ITCH: variants seen among roughly 807,000 people sequenced by gnomAD.
The protein encoded by ITCH is E3 ubiquitin-protein ligase Itchy homolog.
ITCH carries 28 observed loss-of-function variants against 126.8 expected under a neutral mutation model. That is an observed-to-expected ratio of 0.22 (90% CI 0.16 to 0.30). The LOEUF is 0.30. Ranked by LOEUF, ITCH falls within the 10% of genes least tolerant of loss-of-function variation. ITCH has a pLI of 1.00. For missense variants in ITCH, 631 were observed against 1,032.4 expected, an observed-to-expected ratio of 0.61 and a Z score of 5.33; for synonymous variants, 342 against 340.0, an observed-to-expected ratio of 1.01 and a Z score of -0.06.
At chr20:34,491,234 T>C (rs1166122238) in intron 22 of ITCH, among the ~76,000 whole-genome samples, 1 of 152,236 alleles carries the variant, frequency 6.6e-6, no homozygotes, top group Non-Finnish European at 1.5e-5. Context: ...ATTTTTGGTA[T>C]GTGCTACAAC....
chr20:34,506,382 T>C (rs922392390), intron 24 of ITCH, among the ~76,000 whole-genome samples: 1 of 152,160 alleles, frequency 6.6e-6, no homozygotes, highest in Admixed American at 6.6e-5. Context: ...TCTTGTAAAA[T>C]TGAAATGGTA....
At position 34,438,154 on chromosome 20, in the gene ITCH, T is replaced by C. The variant is rs118140279; in HGVS notation, c.522-320T>C. On this transcript the variant is annotated intron_variant, in intron 7 of 24. Transcript: ENST00000374864. Reference sequence around the variant, plus strand: ...TAGTGCCCTAAGGATTTTGAGAACTTGACTTTGTTCCTGTTCATATAGGGC... The same window carrying C: ...TAGTGCCCTAAGGATTTTGAGAACTCGACTTTGTTCCTGTTCATATAGGGC... Among the ~76,000 whole-genome samples, 288 of 152,320 alleles carry C rather than the reference T, an allele frequency of 1.9e-3. 5 individuals carry two copies. Among genetic ancestry groups the C allele is most frequent in the East Asian group, 0.017 (90 of 5,182 alleles).
chr20:34,378,824 C>T (rs1427237406), intron 2 of ITCH, among the ~76,000 whole-genome samples: 1 of 152,058 alleles, frequency 6.6e-6, no homozygotes, highest in Non-Finnish European at 1.5e-5. Context: ...TGTGGAAAGT[C>T]AGTAGTCAAA....
intron 7 of ITCH, among the ~76,000 whole-genome samples, chr20:34,427,197 A>T (rs933351521): frequency 2.0e-5 from 3 of 152,240 alleles, no homozygotes; most frequent in Non-Finnish European, 4.4e-5. Flanking sequence ...CTTATGATGA[A>T]GAATCATCTA....
chr20:34,457,504 C>T (rs1390390532), intron 13 of ITCH, 30 bp downstream of exon 13: 2 of 1,390,966 alleles, frequency 1.4e-6, no homozygotes, highest in Non-Finnish European at 2.0e-6. Context: ...TATATTTAAT[C>T]TCTTAAAGAT....
intron 3 of ITCH, among the ~76,000 whole-genome samples, chr20:34,407,036 A>C (rs2039083315): frequency 6.6e-6 from 1 of 152,112 alleles, no homozygotes; most frequent in Non-Finnish European, 1.5e-5. Context: ...ACCTATGGAA[A>C]TCATGGGGTG....
intron 3 of ITCH, among the ~76,000 whole-genome samples, chr20:34,400,706 C>G (rs749419901): frequency 1.5e-5 from 2 of 131,714 alleles, no homozygotes; most frequent in African/African-American, 5.9e-5. Flanking sequence ...AGTGCAGTGG[C>G]GCGATCTCAG....
chr20:34,428,152 C>T (rs528963977), intron 7 of ITCH, among the ~76,000 whole-genome samples: 1 of 152,176 alleles, frequency 6.6e-6, no homozygotes, highest in African/African-American at 2.4e-5. Context: ...TTTGAGATGA[C>T]AGGTTTGAAA....
chr20:34,479,530 C>G, intron 17 of ITCH, 100 bp from the exon 18 acceptor site: 1 of 894,754 alleles, frequency 1.1e-6, no homozygotes, highest in Non-Finnish European at 1.8e-6. Flanking sequence ...AAAACTATCA[C>G]TAGCTGAGGG....
chr20:34,380,988 A>T (rs1256071326), intron 2 of ITCH, among the ~76,000 whole-genome samples: 1 of 150,948 alleles, frequency 6.6e-6, no homozygotes, highest in Non-Finnish European at 1.5e-5. Flanking sequence ...GAGTTTCACC[A>T]TGTTGGCCAG....
At chr20:34,395,901 A>G (rs1270100418) in intron 3 of ITCH, among the ~76,000 whole-genome samples, 1 of 152,124 alleles carries the variant, frequency 6.6e-6, no homozygotes, top group Non-Finnish European at 1.5e-5. Context: ...AATGCTATAA[A>G]CATTTGTGTA....
chr20:34,409,045 A>G (rs927022015), intron 4 of ITCH, among the ~76,000 whole-genome samples: 2 of 151,342 alleles, frequency 1.3e-5, no homozygotes, highest in African/African-American at 2.4e-5. Flanking sequence ...TTGTCACTGA[A>G]CAATAGCTGA....
At chr20:34,379,206 A>G (rs73255047) in intron 2 of ITCH, among the ~76,000 whole-genome samples, 2,975 of 152,160 alleles carry the variant, frequency 0.02, 93 homozygotes, top group African/African-American at 0.059. Context: ...TTGGAAGGGA[A>G]TGGAGAATGG....
At chr20:34,505,585 C>T (rs1457631617) in intron 24 of ITCH, among the ~76,000 whole-genome samples, 3 of 150,426 alleles carry the variant, frequency 2.0e-5, no homozygotes, top group Non-Finnish European at 4.4e-5. Context: ...GACAGTCTCT[C>T]TCTGTCACCC....
At chr20:34,469,973 G>A in intron 14 of ITCH, 75 bp from the exon 15 acceptor site, 1 of 1,066,974 alleles carries the variant, frequency 9.4e-7, no homozygotes, top group Non-Finnish European at 1.5e-6. Context: ...AGAGAGGGTG[G>A]GATATTTTGC....
chr20:34,432,219 T>C (rs1305581569), intron 7 of ITCH, among the ~76,000 whole-genome samples: 6 of 152,150 alleles, frequency 3.9e-5, no homozygotes, highest in South Asian at 2.1e-4. Context: ...ATGTTGACTT[T>C]TAAATTGATT....
intron 3 of ITCH, among the ~76,000 whole-genome samples, chr20:34,398,146 T>G (rs1008596978): frequency 6.6e-6 from 1 of 152,056 alleles, no homozygotes; most frequent in Non-Finnish European, 1.5e-5. Flanking sequence ...CACTGCAACC[T>G]TGATCTCCTG....
At chr20:34,460,050 C>A (rs1276940580) in intron 13 of ITCH, among the ~76,000 whole-genome samples, 1 of 152,206 alleles carries the variant, frequency 6.6e-6, no homozygotes, top group Non-Finnish European at 1.5e-5. Flanking sequence ...CTAGTTCTAT[C>A]TAATTTATTT....
intron 2 of ITCH, among the ~76,000 whole-genome samples, chr20:34,385,444 G>A (rs1601773951): frequency 6.6e-6 from 1 of 152,068 alleles, no homozygotes; most frequent in East Asian, 1.9e-4. Context: ...TTGTTTGCAA[G>A]AGAACAATAC....
Sources: allele counts gnomAD v4.1 joint callset (sites outside exome capture counted in the v4.1 genomes callset), GRCh38; gene constraint gnomAD v4.1.1; transcripts MANE v1.5; gene names NCBI Gene and HGNC (gene_info 2026-07-23, HGNC 2026-07-21).